Variants in EEF1AKMT2 observed in about 807,000 individuals in gnomAD.
EEF1AKMT2 encodes the protein eukaryotic translation elongation factor 1 alpha lysine methyltransferase 2.
Under a neutral mutation model 35.8 loss-of-function variants are expected in EEF1AKMT2, and 32 were observed. The observed-to-expected ratio is 0.89, with a 90% CI of 0.67 to 1.20. The LOEUF is 1.20. Ranked by LOEUF, EEF1AKMT2 falls within the 50% of genes most tolerant of loss-of-function variation. EEF1AKMT2 has a pLI of 0.00. For missense variants in EEF1AKMT2, 330 were observed against 347.5 expected (o/e 0.95, Z 0.40); for synonymous variants, 121 against 133.7 (o/e 0.91, Z 0.65).
chr10:124,790,711 C>T (rs1451939362), intron 1 of EEF1AKMT2, among the ~76,000 whole-genome samples: 1 of 152,216 alleles, frequency 6.6e-6, no homozygotes, highest in Non-Finnish European at 1.5e-5. Flanking sequence ...CTTTCCTGTG[C>T]TATTTGTCTC....
intron 4 of EEF1AKMT2, among the ~76,000 whole-genome samples, chr10:124,767,676 A>G (rs1351089934): frequency 6.6e-6 from 1 of 152,188 alleles, no homozygotes; most frequent in Non-Finnish European, 1.5e-5. Context: ...GAAGAGAAAC[A>G]GTTTGGAAAA....
intron 4 of EEF1AKMT2, among the ~76,000 whole-genome samples, chr10:124,774,201 A>C (rs1045517135): frequency 1.3e-5 from 2 of 151,876 alleles, no homozygotes; most frequent in Admixed American, 1.3e-4. Flanking sequence ...CCCCATCTCT[A>C]CTAAAAATAC....
At chr10:124,772,802 C>T (rs931745537) in intron 4 of EEF1AKMT2, among the ~76,000 whole-genome samples, 10 of 152,140 alleles carry the variant, frequency 6.6e-5, no homozygotes, top group African/African-American at 2.4e-4. Flanking sequence ...GCTTCTTCAC[C>T]TCTCTCAGCC....
At chr10:124,777,192 T>C (rs1017523270) in intron 3 of EEF1AKMT2, among the ~76,000 whole-genome samples, 7 of 151,416 alleles carry the variant, frequency 4.6e-5, no homozygotes, top group African/African-American at 1.7e-4. Flanking sequence ...GGCAGGAGAA[T>C]TGCTTGAACC....
At chr10:124,781,617 C>A (rs1271614030) in intron 3 of EEF1AKMT2, among the ~76,000 whole-genome samples, 1 of 51,788 alleles carries the variant, frequency 1.9e-5, no homozygotes. Flanking sequence ...CTATATTCAG[C>A]CAAAAAAAAA....
intron 3 of EEF1AKMT2, among the ~76,000 whole-genome samples, chr10:124,777,406 C>T (rs1589787694): frequency 6.6e-6 from 1 of 152,124 alleles, no homozygotes; most frequent in African/African-American, 2.4e-5. Flanking sequence ...GAGCCCACTG[C>T]ACACTTAGGC....
At chr10:124,788,912 A>G (rs933792684) in intron 3 of EEF1AKMT2, 131 bp downstream of exon 3, 9 of 628,972 alleles carry the variant, frequency 1.4e-5, no homozygotes, top group Middle Eastern at 3.2e-4. Flanking sequence ...TCCCTTTTGT[A>G]CTATCTGACT....
intron 3 of EEF1AKMT2, 73 bp downstream of exon 3, chr10:124,788,970 C>A: frequency 1.1e-6 from 1 of 948,456 alleles, no homozygotes; most frequent in Non-Finnish European, 1.7e-6. Context: ...TGGTTAATAT[C>A]CTCAATTGCA....
chr10:124,765,654 C>A (rs1334818720), intron 4 of EEF1AKMT2, 46 bp from the exon 5 acceptor site: 13 of 1,457,382 alleles, frequency 8.9e-6, no homozygotes, highest in African/African-American at 4.2e-5. Context: ...AAAACAAAAT[C>A]CTTACAGAAT....
intron 3 of EEF1AKMT2, among the ~76,000 whole-genome samples, chr10:124,782,644 T>C (rs1205149233): frequency 6.7e-6 from 1 of 149,102 alleles, no homozygotes; most frequent in African/African-American, 2.5e-5. Context: ...AAACCCCGTC[T>C]GTACTAAAAA....
In EEF1AKMT2 at chr10:124,758,057, C is replaced by T. The variant is rs1219555642; in HGVS notation, c.*2446G>A. 1 of 152,178 alleles carries T rather than the reference C, an allele frequency of 6.6e-6. No homozygotes were observed. The highest frequency in any genetic ancestry group is 1.9e-4 in the East Asian group (1 of 5,202). The allele number at this position is 152,178 out of a possible 1,614,324, so 9.4% of individuals were successfully genotyped here. On this transcript the variant is annotated 3_prime_UTR_variant, in exon 7 of 7. Transcript: ENST00000368836. ...CTACACACAGAAGTGGCCTGTTATGCAGCAATAATCATAGTGAAAAGCAGC... is the reference window on the plus strand; with the variant it reads ...CTACACACAGAAGTGGCCTGTTATGTAGCAATAATCATAGTGAAAAGCAGC...
At chr10:124,789,221 T>C in intron 2 of EEF1AKMT2, 64 bp from the exon 3 acceptor site, 1 of 1,049,116 alleles carries the variant, frequency 9.5e-7, no homozygotes, top group Non-Finnish European at 1.5e-6. Flanking sequence ...TATATTCCAT[T>C]TAAGCTATTT....
chr10:124,769,793 A>G (rs1380043058), intron 4 of EEF1AKMT2, among the ~76,000 whole-genome samples: 1 of 151,456 alleles, frequency 6.6e-6, no homozygotes. Flanking sequence ...CTAAAAATAC[A>G]AAAATTAGCC....
At chr10:124,791,574 C>T (rs1950634837) in intron 1 of EEF1AKMT2, 150 bp downstream of exon 1, 1 of 1,178,386 alleles carries the variant, frequency 8.5e-7, no homozygotes, top group Non-Finnish European at 1.2e-6. Flanking sequence ...CTTTGAAATC[C>T]CCGTAAGCCC....
chr10:124,761,347 C>CA (rs1478429947), intron 6 of EEF1AKMT2, among the ~76,000 whole-genome samples: 5 of 151,730 alleles, frequency 3.3e-5, no homozygotes, highest in African/African-American at 1.2e-4. Context: ...GACAATTGCA[C>CA]AAAAAAATGT....
At chr10:124,790,490 G>A (rs1950624926) in intron 1 of EEF1AKMT2, 152 bp from the exon 2 acceptor site, 1 of 632,004 alleles carries the variant, frequency 1.6e-6, no homozygotes, top group Non-Finnish European at 2.8e-6. Flanking sequence ...ATCTTTTAAC[G>A]TCCTTGAGTT....
chr10:124,786,366 C>CGTG (rs909484710), intron 3 of EEF1AKMT2, among the ~76,000 whole-genome samples: 3 of 151,914 alleles, frequency 2.0e-5, no homozygotes, highest in African/African-American at 7.3e-5. Flanking sequence ...ATTAGCCAGG[C>CGTG]GTGGTGGTGG....
intron 3 of EEF1AKMT2, among the ~76,000 whole-genome samples, chr10:124,779,747 CAA>C (rs34475748): frequency 0.09 from 2,528 of 27,968 alleles, 110 homozygotes; most frequent in African/African-American, 0.28. Context: ...GACTCCATCT[CAA>C]AAAAAAAAAA....
rs1275750539 is a variant in EEF1AKMT2 at position 124,779,769 on chromosome 10, A to AAAAC, written c.292-4988_292-4987insGTTT. Among the ~76,000 whole-genome samples, 132 of 138,728 alleles carry AAAAC rather than the reference A, an allele frequency of 9.5e-4. 2 individuals are homozygous for AAAAC. Among genetic ancestry groups the AAAAC allele is most frequent in the African/African-American group, 3.7e-3 (131 of 35,348 alleles). 91.0% of individuals were successfully genotyped at this position (138,728 alleles called of 152,430 possible). On this transcript the variant is annotated intron_variant, in intron 3 of 6. Coordinates refer to ENST00000368836, the MANE Select transcript of EEF1AKMT2 (RefSeq NM_212554.4). ...TCTCAAAAAAAAAAAAAAAAAAAAA[A>AAAAC]AGAAACAGAATAGTCAGGCGTGGTG...
Sources: allele counts gnomAD v4.1 joint callset (sites outside exome capture counted in the v4.1 genomes callset), GRCh38; gene constraint gnomAD v4.1.1; transcripts MANE v1.5; gene names NCBI Gene and HGNC (gene_info 2026-07-23, HGNC 2026-07-21).